The following ATRNL1 variants were observed in gnomAD, a reference collection of about 807,000 sequenced individuals.
The protein encoded by ATRNL1 is attractin like 1.
A neutral mutation model predicts 182.7 loss-of-function variants in ATRNL1; 95 were observed. The observed-to-expected ratio is 0.52, with a 90% CI of 0.44 to 0.62. ATRNL1 has a LOEUF of 0.62. Among genes scored for constraint, ATRNL1 ranks in the 20% least tolerant of loss-of-function variants. The pLI, the probability that ATRNL1 is intolerant of heterozygous loss-of-function variation, is 0.00. For synonymous variants in ATRNL1, 576 were observed against 568.3 expected, an observed-to-expected ratio of 1.01 and a Z score of -0.19; for missense variants, 1,471 against 1,679.5, an observed-to-expected ratio of 0.88 and a Z score of 2.17.
chr10:115,689,515 G>T (rs1946323425), intron 26 of ATRNL1, among the ~76,000 whole-genome samples: 2 of 152,054 alleles, frequency 1.3e-5, no homozygotes, highest in South Asian at 2.1e-4. Flanking sequence ...TTCTTATGTT[G>T]CTATGCCCAT....
intron 10 of ATRNL1, among the ~76,000 whole-genome samples, chr10:115,263,491 A>T (rs1265882226): frequency 2.0e-5 from 3 of 151,846 alleles, no homozygotes; most frequent in African/African-American, 7.2e-5. Context: ...TCTGTTAATC[A>T]AATGGACCTC....
At chr10:115,606,629 C>G (rs1856888839) in intron 26 of ATRNL1, among the ~76,000 whole-genome samples, 1 of 151,930 alleles carries the variant, frequency 6.6e-6, no homozygotes, top group Non-Finnish European at 1.5e-5. Context: ...TGCAAAAGAT[C>G]TTTGTCATGA....
chr10:115,127,815 C>T (rs1457977731), intron 4 of ATRNL1, 94 bp downstream of exon 4: 1 of 848,064 alleles, frequency 1.2e-6, no homozygotes, highest in African/African-American at 1.8e-5. Flanking sequence ...GTCTTGTATA[C>T]CAGAAGCAGG....
intron 9 of ATRNL1, among the ~76,000 whole-genome samples, chr10:115,223,800 CT>C (rs1204271082): frequency 1.3e-5 from 2 of 148,178 alleles, no homozygotes; most frequent in Non-Finnish European, 3.0e-5. Flanking sequence ...TAAAAAGTAA[CT>C]TTTTGGTGAT....
intron 27 of ATRNL1, among the ~76,000 whole-genome samples, chr10:115,839,488 T>A (rs1950753703): frequency 6.6e-6 from 1 of 152,116 alleles, no homozygotes; most frequent in Non-Finnish European, 1.5e-5. Flanking sequence ...TCCTAGGCTG[T>A]ATCCCCAATG....
chr10:115,635,431 C>T (rs1405674603), intron 26 of ATRNL1, among the ~76,000 whole-genome samples: 1 of 151,746 alleles, frequency 6.6e-6, no homozygotes, highest in African/African-American at 2.4e-5. Context: ...AATAAAACTA[C>T]AATGAGATAC....
chr10:115,926,228 A>G (rs1229067988), intron 28 of ATRNL1, among the ~76,000 whole-genome samples: 5 of 152,194 alleles, frequency 3.3e-5, no homozygotes, highest in Non-Finnish European at 5.9e-5. Context: ...AAGAGACATC[A>G]TACCAGAATC....
At chr10:115,486,966 T>C (rs1346095623) in intron 24 of ATRNL1, among the ~76,000 whole-genome samples, 6 of 152,208 alleles carry the variant, frequency 3.9e-5, no homozygotes, top group Admixed American at 3.9e-4. Flanking sequence ...GGCTAGCCAG[T>C]TTTCCCAATA....
chr10:115,547,595 G>A (rs1230554377), intron 25 of ATRNL1, among the ~76,000 whole-genome samples: 1 of 152,100 alleles, frequency 6.6e-6, no homozygotes, highest in Admixed American at 6.6e-5. Context: ...ATTGCATGAA[G>A]TGAATTTTAA....
chr10:115,333,396 TAGTTCAAAC>T (rs1855325601), intron 18 of ATRNL1, among the ~76,000 whole-genome samples: 1 of 152,232 alleles, frequency 6.6e-6, no homozygotes, highest in South Asian at 2.1e-4. Flanking sequence ...TCATTCTGTT[TAGTTCAAAC>T]TTAAATAGAC....
intron 27 of ATRNL1, among the ~76,000 whole-genome samples, chr10:115,772,594 T>A (rs1186300342): frequency 7.5e-6 from 1 of 133,746 alleles, no homozygotes; most frequent in African/African-American, 2.9e-5. Context: ...ATATATACTC[T>A]GTCTGTGTGT....
intron 19 of ATRNL1, among the ~76,000 whole-genome samples, chr10:115,342,939 C>T (rs1855816230): frequency 6.6e-6 from 1 of 152,050 alleles, no homozygotes; most frequent in African/African-American, 2.4e-5. Flanking sequence ...TATGTCATGC[C>T]ATTGTCTCCC....
At chr10:115,689,543 G>A (rs74331053) in intron 26 of ATRNL1, among the ~76,000 whole-genome samples, 2,676 of 152,226 alleles carry the variant, frequency 0.018, 74 homozygotes, top group African/African-American at 0.061. Flanking sequence ...GCAGTGGGAT[G>A]AGCATGCTTG....
intron 24 of ATRNL1, among the ~76,000 whole-genome samples, chr10:115,473,654 A>T (rs1421523032): frequency 6.6e-6 from 1 of 151,226 alleles, no homozygotes; most frequent in African/African-American, 2.4e-5. Context: ...GCTTGGTGTT[A>T]ATGCTTTAAA....
chr10:115,117,780 G>C (rs1227279872), intron 1 of ATRNL1, among the ~76,000 whole-genome samples: 2 of 152,094 alleles, frequency 1.3e-5, no homozygotes, highest in Non-Finnish European at 2.9e-5. Context: ...CCTCCAAAGT[G>C]TTCTCCATAG....
intron 27 of ATRNL1, among the ~76,000 whole-genome samples, chr10:115,731,190 C>T (rs559996902): frequency 4.6e-5 from 7 of 152,210 alleles, no homozygotes; most frequent in Admixed American, 2.6e-4. Flanking sequence ...CAGTATTAAC[C>T]GTCACAATCA....
intron 26 of ATRNL1, among the ~76,000 whole-genome samples, chr10:115,687,564 A>G (rs1461529461): frequency 1.3e-5 from 2 of 152,156 alleles, no homozygotes; most frequent in Non-Finnish European, 1.5e-5. Context: ...TATTGTAAGC[A>G]ATGCTGAAAT....
intron 20 of ATRNL1, among the ~76,000 whole-genome samples, chr10:115,396,471 T>C (rs1402772552): frequency 1.3e-5 from 2 of 152,000 alleles, no homozygotes; most frequent in Non-Finnish European, 2.9e-5. Context: ...TCTTAATAAC[T>C]TTTAAATAAG....
Position 115,093,433 on chromosome 10 carries a change from T to C in ATRNL1, c.-318T>C. The C allele has an allele frequency of 2.2e-6, 1 of 449,332 alleles. No homozygotes were observed. Among genetic ancestry groups the C allele is most frequent in the South Asian group, 2.0e-5 (1 of 50,180 alleles). 27.8% of individuals were successfully genotyped at this position (449,332 alleles called of 1,614,324 possible). Reference sequence around the variant, plus strand: ...CCCTCCTCCTGCCGGTCAGGTCCCCTCAGGAGCGCCGGGCGCAGTCTGCGC... The same window carrying C: ...CCCTCCTCCTGCCGGTCAGGTCCCCCCAGGAGCGCCGGGCGCAGTCTGCGC... On this transcript the variant is annotated 5_prime_UTR_variant, in exon 1 of 29. Transcript: ENST00000355044. The surrounding 1 kb of genome is among the most constrained non-coding windows in gnomAD (Gnocchi z 6.1).
Sources: allele counts gnomAD v4.1 joint callset (sites outside exome capture counted in the v4.1 genomes callset), GRCh38; gene constraint gnomAD v4.1.1; non-coding constraint Gnocchi (gnomAD v3.1); transcripts MANE v1.5; gene names NCBI Gene and HGNC (gene_info 2026-07-23, HGNC 2026-07-21).